PITRM1: variants seen among roughly 807,000 people sequenced by gnomAD.
The protein encoded by PITRM1 is presequence protease, mitochondrial.
Under a neutral mutation model 129.9 loss-of-function variants are expected in PITRM1, and 100 were observed. That is an observed-to-expected ratio of 0.77 (90% CI 0.65 to 0.91). The LOEUF (loss-of-function observed/expected upper bound fraction) is 0.91. Ranked by LOEUF, PITRM1 falls within the 40% of genes least tolerant of loss-of-function variation. The pLI is 0.00. For synonymous variants in PITRM1, 591 were observed against 508.8 expected, an observed-to-expected ratio of 1.16 and a Z score of -2.17; for missense variants, 1,471 against 1,318.3, an observed-to-expected ratio of 1.12 and a Z score of -1.79.
Position 3,147,552 on chromosome 10 carries a change from G to T in PITRM1, c.2235+20C>A. 1 of 1,612,258 alleles carries T rather than the reference G, an allele frequency of 6.2e-7. No individual in the cohort carries two copies. The highest frequency in any genetic ancestry group is 8.5e-7 in the Non-Finnish European group (1 of 1,178,582). ...ATGTGGCTAAACCGGAGTAATAGAG[G>T]TTCCTTCCAAGCTTCCCACCTGATC... On this transcript the variant is annotated intron_variant, in intron 19 of 26. Coordinates refer to ENST00000224949, the MANE Select transcript of PITRM1 (RefSeq NM_014889.4).
Position 3,143,382 on chromosome 10 carries a change from C to T in PITRM1, c.2645+7G>A. 2 of 1,577,032 alleles carry T rather than the reference C, an allele frequency of 1.3e-6. No homozygotes were observed. The highest frequency in any genetic ancestry group is 1.7e-6 in the Non-Finnish European group (2 of 1,146,160). ...GGCCTGAGAGGTCCCGACCTACACCCTCCTACCTGGCATGATCTGGGTCCG... is the reference window on the plus strand; with the variant it reads ...GGCCTGAGAGGTCCCGACCTACACCTTCCTACCTGGCATGATCTGGGTCCG... On this transcript the variant is annotated splice_region_variant and intron_variant, in intron 23 of 26. Transcript: ENST00000224949.
chr10:3,169,681 T>A (rs1289211137), intron 2 of PITRM1, among the ~76,000 whole-genome samples: 1 of 152,232 alleles, frequency 6.6e-6, no homozygotes. Context: ...TGCTTCTTTA[T>A]CATTCTGAAA....
intron 1 of PITRM1, among the ~76,000 whole-genome samples, chr10:3,172,436 T>C (rs1021658166): frequency 1.3e-5 from 2 of 152,118 alleles, no homozygotes; most frequent in Admixed American, 6.5e-5. Flanking sequence ...CTACCCCCGT[T>C]AAAGCCCACG....
chr10:3,172,722 G>C lies in PITRM1; in HGVS notation c.51C>G (p.Ser17Arg). 1 of 1,541,332 alleles carries C rather than the reference G, an allele frequency of 6.5e-7. No individual in the cohort carries two copies. Among genetic ancestry groups the C allele is most frequent in the Non-Finnish European group, 8.7e-7 (1 of 1,143,724 alleles). The change falls in exon 1 of 27, where the codon AGC becomes AGG. Residue 17 changes from serine (S) to arginine (R), a missense_variant. By Grantham distance (110) the Ser-to-Arg change is moderately radical (BLOSUM62 -1). Transcript: ENST00000224949. Reference protein sequence around the residue: ...RQGLCVLRRLSGGHAHHRAWR... With the variant: ...RQGLCVLRRLRGGHAHHRAWR... ...CTCCCGTCGCAGCGTCTCACCCGCC[G>C]CTCAGCCGCCTCAGCACACACAGGC...
At chr10:3,168,256 G>A (rs112902852) in intron 2 of PITRM1, among the ~76,000 whole-genome samples, 109 of 152,294 alleles carry the variant, frequency 7.2e-4, no homozygotes, top group African/African-American at 2.5e-3. Context: ...CTACCGCCGC[G>A]AAATTACTTC....
At chr10:3,172,360 G>A in intron 1 of PITRM1, 2 of 488,920 alleles carry the variant, frequency 4.1e-6, no homozygotes, top group South Asian at 1.8e-5. Context: ...TAAGGACTCG[G>A]CCTCCCAACA....
chr10:3,157,057 G>A lies in PITRM1; in HGVS notation c.1355C>T (p.Ala452Val). ...GTCCCCATCATGGTTCCAGCAAGAA[G>A]CTATGTACTGGAAGGAAGATTTCCA... is the stretch of plus-strand genomic sequence containing the variant. ...SFGLMLTSYI[A>V]SCWNHDGDPV... is the part of the protein sequence containing the mutation. Residue 452 changes from alanine to valine, a missense_variant, in exon 13 of 27, where the codon GCT (alanine) becomes GTT (valine). Transcript: ENST00000224949. 6.2e-7 allele frequency: 1 copy of A among 1,607,128 alleles called. No homozygotes were observed. The highest frequency in any genetic ancestry group is 1.1e-5 in the South Asian group (1 of 89,502).
intron 1 of PITRM1, among the ~76,000 whole-genome samples, chr10:3,170,763 G>C (rs1451056208): frequency 6.6e-6 from 1 of 152,032 alleles, no homozygotes; most frequent in Non-Finnish European, 1.5e-5. Context: ...TGGGAGGCCT[G>C]GGTGGGCGGA....
At chr10:3,145,501 G>T in intron 21 of PITRM1, 95 bp downstream of exon 21, 2 of 1,058,668 alleles carry the variant, frequency 1.9e-6, no homozygotes, top group Non-Finnish European at 2.8e-6. Context: ...CCACATGCTG[G>T]ACTGCTCTGA....
At chr10:3,138,769 G>A (rs761116984) in intron 25 of PITRM1, 135 bp downstream of exon 25, 30 of 860,602 alleles carry the variant, frequency 3.5e-5, no homozygotes, top group Middle Eastern at 2.2e-4. Context: ...GGTGTCAGAC[G>A]TGGAAATCGT....
rs114460798 is a variant in PITRM1, at chr10:3,147,955, C to T, written c.2069+32G>A. 2.2e-3 allele frequency: 3,397 copies of T among 1,514,940 alleles called. 76 individuals are homozygous for T. In the African/African-American group the frequency reaches 0.043, roughly 19 times the overall value. 93.8% of individuals were successfully genotyped at this position (1,514,940 alleles called of 1,614,324 possible). A position where few individuals can be genotyped will look rare whatever the true frequency, so the allele number is the denominator to read the frequency against. On this transcript the variant is annotated intron_variant, in intron 18 of 26. Transcript: ENST00000224949. Reference sequence around the variant, plus strand: ...TCAAACAAAGATCTCTAGTACACCCCAAGAATGGACAACTCTTGCAAATAA... The same window carrying T: ...TCAAACAAAGATCTCTAGTACACCCTAAGAATGGACAACTCTTGCAAATAA...
intron 14 of PITRM1, among the ~76,000 whole-genome samples, chr10:3,151,635 C>T (rs750885291): frequency 3.3e-5 from 5 of 152,228 alleles, no homozygotes; most frequent in Non-Finnish European, 7.3e-5. Context: ...GCTCAAGCAG[C>T]TTCTCCTGCA....
intron 1 of PITRM1, chr10:3,172,339 C>T (rs763470276): frequency 8.0e-6 from 4 of 499,110 alleles, no homozygotes; most frequent in African/African-American, 1.9e-5. Flanking sequence ...CTGTGGGCGC[C>T]TCGGGTCTCT....
At chr10:3,141,791 G>A in intron 23 of PITRM1, 1 of 369,524 alleles carries the variant, frequency 2.7e-6, no homozygotes, top group Non-Finnish European at 5.7e-6. Flanking sequence ...AGGAAGGAGT[G>A]GGCGTGTTCC....
intron 24 of PITRM1, among the ~76,000 whole-genome samples, chr10:3,139,879 A>G (rs1840004885): frequency 6.6e-6 from 1 of 152,218 alleles, no homozygotes; most frequent in African/African-American, 2.4e-5. Flanking sequence ...GCAAAGCCAT[A>G]GAAAATCAAG....
In PITRM1 at chr10:3,147,643, C is replaced by A; in HGVS notation, c.2164G>T (p.Ala722Ser). 6.2e-7 allele frequency: 1 copy of A among 1,613,932 alleles called. No individual in the cohort carries two copies. Among genetic ancestry groups the A allele is most frequent in the Non-Finnish European group, 8.5e-7 (1 of 1,179,848 alleles). Residue 722 changes from alanine to serine, a missense_variant, in exon 19 of 27, where the codon GCA becomes TCA. By Grantham distance (99) the Ala-to-Ser change is moderately conservative (BLOSUM62 1). Transcript: ENST00000224949. ...AGGGTCCGGCCTGCCCTGATGGATG[C>A]GTACAGGTGCCCAGAGTCAGGAATT... ...NGIPDSGHLY[A>S]SIRAGRTLTP...
chr10:3,145,304 C>G (rs550627755), intron 21 of PITRM1: 1 of 370,824 alleles, frequency 2.7e-6, no homozygotes, highest in East Asian at 4.8e-5. Context: ...TGGGCCATTC[C>G]TCTGCCAGCG....
intron 22 of PITRM1, 149 bp from the exon 23 acceptor site, chr10:3,143,650 C>T (rs965943927): frequency 1.0e-4 from 73 of 716,394 alleles, no homozygotes; most frequent in Admixed American, 4.0e-4. Context: ...GTCCCATCTC[C>T]GTGACACTCT....
intron 4 of PITRM1, among the ~76,000 whole-genome samples, chr10:3,165,968 A>G (rs992014888): frequency 6.6e-6 from 1 of 152,222 alleles, no homozygotes; most frequent in African/African-American, 2.4e-5. Context: ...CATTGTAGCG[A>G]TATCTCCAAG....
Sources: gnomAD v4.1 joint callset for allele counts (sites outside exome capture counted in the v4.1 genomes callset) on GRCh38, gnomAD v4.1.1 for gene constraint, MANE v1.5 for transcripts, NCBI Gene and HGNC (gene_info 2026-07-23, HGNC 2026-07-21) for gene names.